THADA: variants seen among roughly 807,000 people sequenced by gnomAD.
THADA encodes THADA armadillo repeat containing, also known as tRNA (32-2'-O)-methyltransferase regulator THADA.
THADA carries 213 observed loss-of-function variants against 219.8 expected under a neutral mutation model. The ratio of observed to expected loss-of-function variants is 0.97; its 90% CI spans 0.87 to 1.09. THADA has a LOEUF of 1.09. THADA is among the 50% of genes least tolerant of loss of function. The probability of loss-of-function intolerance (pLI) is 0.00; values close to 1 mark genes in which losing one functional copy is unlikely to be tolerated. For missense variants in THADA, 2,956 were observed against 2,311.3 expected, an observed-to-expected ratio of 1.28 and a Z score of -5.72; for synonymous variants, 1,018 against 828.9, an observed-to-expected ratio of 1.23 and a Z score of -3.92.
chr2:43,454,437 CA>C (rs1205301174), intron 26 of THADA, among the ~76,000 whole-genome samples: 1 of 151,808 alleles, frequency 6.6e-6, no homozygotes, highest in African/African-American at 2.4e-5. Context: ...CCCATCTCTA[CA>C]AAAAAATACA....
At chr2:43,388,908 C>T (rs1302288422) in intron 29 of THADA, among the ~76,000 whole-genome samples, 1 of 152,074 alleles carries the variant, frequency 6.6e-6, no homozygotes, top group Non-Finnish European at 1.5e-5. Flanking sequence ...CCATCTACAC[C>T]AGTGATTCTT....
At chr2:43,514,744 TA>T in intron 22 of THADA, among the ~76,000 whole-genome samples, 1 of 85,514 alleles carries the variant, frequency 1.2e-5, no homozygotes, top group African/African-American at 5.2e-5. Flanking sequence ...GTATAATATA[TA>T]ATATTTTATA....
In THADA at chr2:43,449,094, C is replaced by A. The variant is rs567108851; in HGVS notation, c.3837-18792G>T. 7.9e-4 allele frequency among the ~76,000 whole-genome samples: 120 copies of A among 151,970 alleles called. 1 individual carries two copies. The South Asian group carries it at 0.025, about 31-fold the overall frequency. On this transcript the variant is annotated intron_variant, in intron 26 of 37. Coordinates refer to ENST00000405975, the MANE Select transcript of THADA (RefSeq NM_022065.5). ...CATGGAGAAAGTCAAGAAAATGATACATGAACAAAATGAAAATATTAATAA... is the reference window on the plus strand; with the variant it reads ...CATGGAGAAAGTCAAGAAAATGATAAATGAACAAAATGAAAATATTAATAA...
chr2:43,264,829 T>C (rs1228997316), intron 36 of THADA, among the ~76,000 whole-genome samples: 1 of 152,196 alleles, frequency 6.6e-6, no homozygotes, highest in Non-Finnish European at 1.5e-5. Flanking sequence ...CTTGCACCCA[T>C]CTCTGAGTTC....
intron 26 of THADA, among the ~76,000 whole-genome samples, chr2:43,444,673 C>T (rs1350389069): frequency 1.3e-5 from 2 of 151,980 alleles, no homozygotes; most frequent in South Asian, 4.2e-4. Context: ...AAAAGTATAC[C>T]AGTGAAAACT....
chr2:43,250,701 A>AAAAATAAAAT (rs59292030), intron 36 of THADA, among the ~76,000 whole-genome samples: 373 of 152,092 alleles, frequency 2.5e-3, no homozygotes, highest in African/African-American at 8.7e-3. Context: ...GTTTCTCTAT[A>AAAAATAAAAT]AAAATAAAAT....
At chr2:43,282,262 T>C (rs1325411053) in intron 35 of THADA, among the ~76,000 whole-genome samples, 3 of 152,238 alleles carry the variant, frequency 2.0e-5, no homozygotes, top group African/African-American at 7.2e-5. Flanking sequence ...TCGGGTCTCA[T>C]GATTAAATCA....
intron 29 of THADA, among the ~76,000 whole-genome samples, chr2:43,396,011 C>A (rs895185238): frequency 6.6e-6 from 1 of 152,216 alleles, no homozygotes; most frequent in African/African-American, 2.4e-5. Flanking sequence ...TCCAGCTCAG[C>A]CTCCCAAAGT....
At chr2:43,364,889 T>C (rs1370990424) in intron 29 of THADA, among the ~76,000 whole-genome samples, 4 of 152,096 alleles carry the variant, frequency 2.6e-5, no homozygotes, top group Non-Finnish European at 5.9e-5. Context: ...CTGTAAGAGA[T>C]TTAGATTATT....
At position 43,470,402 on chromosome 2, in the gene THADA, A is replaced by AG. The variant is rs573310449; in HGVS notation, c.3836+14831dup. ...ACCATTACTAATAATATTAAAAACT[A>AG]GGGGGGAAACGAAATGTTTAATAGT... On this transcript the variant is annotated intron_variant, in intron 26 of 37. Transcript: ENST00000405975. Among the ~76,000 whole-genome samples, 60 of 152,144 alleles carry AG rather than the reference A, an allele frequency of 3.9e-4. 1 individual carries two copies. Among genetic ancestry groups the AG allele is most frequent in the African/African-American group, 1.4e-3 (59 of 41,490 alleles).
At chr2:43,426,577 G>C (rs949354577) in intron 28 of THADA, among the ~76,000 whole-genome samples, 1 of 152,130 alleles carries the variant, frequency 6.6e-6, no homozygotes, top group African/African-American at 2.4e-5. Flanking sequence ...TTGTATATCA[G>C]GAAACAAAAA....
At chr2:43,520,681 C>G (rs1692287627) in intron 22 of THADA, among the ~76,000 whole-genome samples, 1 of 147,974 alleles carries the variant, frequency 6.8e-6, no homozygotes, top group Non-Finnish European at 1.5e-5. Context: ...AAGAGTAAGA[C>G]CCTATCTCAA....
chr2:43,309,412 T>A (rs1007037973), intron 31 of THADA, among the ~76,000 whole-genome samples: 1 of 152,098 alleles, frequency 6.6e-6, no homozygotes, highest in Non-Finnish European at 1.5e-5. Flanking sequence ...TTATTCACGA[T>A]CTCCAAAAAG....
At chr2:43,454,480 T>C (rs577307426) in intron 26 of THADA, among the ~76,000 whole-genome samples, 1 of 152,154 alleles carries the variant, frequency 6.6e-6, no homozygotes, top group African/African-American at 2.4e-5. Context: ...TGTGAGCCTG[T>C]AGTCCCAGCT....
intron 26 of THADA, among the ~76,000 whole-genome samples, chr2:43,465,785 C>T (rs1684158068): frequency 6.6e-6 from 1 of 152,172 alleles, no homozygotes; most frequent in South Asian, 2.1e-4. Context: ...CCAGACCCTA[C>T]ATATCTAACT....
At chr2:43,357,467 T>C (rs557078224) in intron 29 of THADA, among the ~76,000 whole-genome samples, 3 of 152,364 alleles carry the variant, frequency 2.0e-5, no homozygotes, top group Non-Finnish European at 4.4e-5. Context: ...GTCCGGCATT[T>C]GCTATCAAAA....
intron 8 of THADA, among the ~76,000 whole-genome samples, chr2:43,580,903 CACAA>C (rs1310134050): frequency 6.6e-6 from 1 of 150,960 alleles, no homozygotes; most frequent in African/African-American, 2.4e-5. Context: ...AACCAAAAAA[CACAA>C]ACAATGAGAT....
intron 25 of THADA, among the ~76,000 whole-genome samples, chr2:43,498,074 C>T (rs924818660): frequency 1.3e-5 from 2 of 151,892 alleles, no homozygotes; most frequent in African/African-American, 2.4e-5. Flanking sequence ...CACACAGCCC[C>T]CCACCCCACA....
chr2:43,571,750 T>G lies in THADA; in HGVS notation c.2021A>C (p.Gln674Pro), dbSNP rs1287143437. The change falls in exon 13 of 38, where the codon CAG (glutamine) becomes CCG (proline). Residue 674 changes from glutamine to proline, a missense_variant. By Grantham distance (76) the Gln-to-Pro change is moderately conservative. Coordinates refer to ENST00000405975, the MANE Select transcript of THADA (RefSeq NM_022065.5). ...QFFITYNLNS[Q>P]SPGVRQQICS... ...GATCTGTTGCCGCACTCCTGGAGAC[T>G]GGCTGTTAAGATTGTATGTAATAAA... 8.7e-6 allele frequency: 14 copies of G among 1,613,848 alleles called. No individual in the cohort carries two copies. The highest frequency in any genetic ancestry group is 3.3e-4 in the Middle Eastern group (2 of 6,084).
Sources: gnomAD v4.1 joint callset for allele counts (sites outside exome capture counted in the v4.1 genomes callset) on GRCh38, gnomAD v4.1.1 for gene constraint, MANE v1.5 for transcripts, NCBI Gene and HGNC (gene_info 2026-07-23, HGNC 2026-07-21) for gene names.